The following PCDH12 variants were observed in gnomAD, a reference collection of about 807,000 sequenced individuals.
The protein encoded by PCDH12 is protocadherin-12.
Under a neutral mutation model 70.9 loss-of-function variants are expected in PCDH12, and 45 were observed. That is an observed-to-expected ratio of 0.63 (90% CI 0.50 to 0.81). PCDH12 has a LOEUF of 0.81. PCDH12 is among the 40% of genes least tolerant of loss of function. The pLI, the probability that PCDH12 is intolerant of heterozygous loss-of-function variation, is 0.00. For synonymous variants in PCDH12, 567 were observed against 626.0 expected, an observed-to-expected ratio of 0.91 and a Z score of 1.41; for missense variants, 1,370 against 1,491.7, an observed-to-expected ratio of 0.92 and a Z score of 1.34.
chr5:141,944,185 A>G lies in PCDH12; in HGVS notation c.*1196T>C, dbSNP rs768732123. ...GCTGGCTGCTGTCAGTGCCGATTTC[A>G]TAGACCCAGTTCACACAGCGTCCTC... On this transcript the variant is annotated 3_prime_UTR_variant, in exon 4 of 4. Coordinates refer to ENST00000231484, the MANE Select transcript of PCDH12 (RefSeq NM_016580.4). The G allele has an allele frequency of 3.3e-5, 5 of 152,262 alleles. No individual in the cohort carries two copies. The highest frequency in any genetic ancestry group is 7.3e-5 in the Non-Finnish European group (5 of 68,072). The allele number at this position is 152,262 out of a possible 1,614,324, so 9.4% of individuals were successfully genotyped here.
Position 141,954,964 on chromosome 5 carries a change from C to T in PCDH12, c.2880+8G>A. The stretch of plus-strand genomic sequence containing the variant: ...GACCAGAGAAAGAGCTGCCCATGCC[C>T]CAGGTACCTGAACAGGAGGAGAATC... On this transcript the variant is annotated splice_region_variant and intron_variant, in intron 1 of 3. Transcript: ENST00000231484. The T allele has an allele frequency of 3.7e-6, 6 of 1,604,822 alleles. No individual in the cohort carries two copies. Among genetic ancestry groups the T allele is most frequent in the Non-Finnish European group, 5.1e-6 (6 of 1,173,912 alleles).
chr5:141,955,636 A>G lies in PCDH12; in HGVS notation c.2216T>C (p.Ile739Thr), dbSNP rs750043128. The change falls in exon 1 of 4, where the codon ATC becomes ACC. Residue 739 changes from isoleucine (I) to threonine (T), a missense_variant. Ile to Thr is a moderately conservative substitution (Grantham distance 89). Transcript: ENST00000231484. This position sits in a 1 kb window ranked among gnomAD's most constrained non-coding sequence, Gnocchi z 5.5. ...FGLILALFMS[I>T]CRTEKKDNRA... Reference sequence around the variant, plus strand: ...GTTGTCCTTCTTTTCTGTCCGGCAGATGGACATGAACAAAGCCAGGATCAA... The same window carrying G: ...GTTGTCCTTCTTTTCTGTCCGGCAGGTGGACATGAACAAAGCCAGGATCAA... 1 of 1,614,108 alleles carries G rather than the reference A, an allele frequency of 6.2e-7. No individual in the cohort carries two copies. The highest frequency in any genetic ancestry group is 1.7e-5 in the Admixed American group (1 of 60,022).
Position 141,955,181 on chromosome 5 carries a change from C to T in PCDH12, c.2671G>A (p.Ala891Thr), listed in dbSNP as rs1255666962. 2 of 1,614,090 alleles carry T rather than the reference C, an allele frequency of 1.2e-6. No homozygotes were observed. Among genetic ancestry groups the T allele is most frequent in the African/African-American group, 1.3e-5 (1 of 74,942 alleles). The change falls in exon 1 of 4, where the codon GCT becomes ACT. Residue 891 changes from alanine (A) to threonine (T), a missense_variant. Physicochemically the swap from Ala to Thr is moderately conservative, Grantham distance 58. Transcript: ENST00000231484. This position sits in a 1 kb window ranked among gnomAD's most constrained non-coding sequence, Gnocchi z 5.5. ...KVAGSPTGRL[A>T]GDQGSEEAPQ... ...GCTTCCTCACTGCCCTGGTCTCCAG[C>T]CAGCCTCCCTGTGGGGCTGCCTGCA...
At chr5:141,949,375 G>A (rs967142006) in intron 3 of PCDH12, 57 bp downstream of exon 3, 5 of 1,549,796 alleles carry the variant, frequency 3.2e-6, no homozygotes, top group Non-Finnish European at 4.3e-6. Flanking sequence ...GCAGAACTCT[G>A]AAGCTTGGAC....
chr5:141,955,368 A>G lies in PCDH12; in HGVS notation c.2484T>C (p.Asn828=), dbSNP rs1464101405. 1.2e-6 allele frequency: 2 copies of G among 1,613,884 alleles called. No individual in the cohort carries two copies. Among genetic ancestry groups the G allele is most frequent in the Non-Finnish European group, 1.7e-6 (2 of 1,180,008 alleles). Residue 828 remains asparagine (N), a synonymous_variant, in exon 1 of 4, where the codon AAT becomes AAC. Transcript: ENST00000231484. The surrounding 1 kb of genome is among the most constrained non-coding windows in gnomAD (Gnocchi z 5.5). ...CCGCCGGTGCTCCCTGGTTGCCTTG[A>G]TTACGCAGCGTCCTGTACAGGGTCG... ...LTPTLYRTLR[N]QGNQGAPAES...
At position 141,956,626 on chromosome 5, in the gene PCDH12, G is replaced by A. The variant is rs1383640122; in HGVS notation, c.1226C>T (p.Thr409Ile). The A allele has an allele frequency of 3.7e-6, 6 of 1,614,184 alleles. 1 individual carries two copies. The South Asian group carries it at 5.5e-5, about 15-fold the overall frequency. ...TGTGGCATTGGTTAGCAACATGTATGTGTTGCCATTAGTTCTTTTCAGCCT... is the reference window on the plus strand; with the variant it reads ...TGTGGCATTGGTTAGCAACATGTATATGTTGCCATTAGTTCTTTTCAGCCT... ...HFRLKRTNGN[T>I]YMLLTNATLD... is the part of the protein sequence containing the mutation. The change falls in exon 1 of 4, where the codon ACA (threonine) becomes ATA (isoleucine). Residue 409 changes from threonine (T) to isoleucine (I), a missense_variant. Coordinates refer to ENST00000231484, the MANE Select transcript of PCDH12 (RefSeq NM_016580.4).
chr5:141,957,824 C>T lies in PCDH12; in HGVS notation c.28G>A (p.Gly10Arg). The T allele has an allele frequency of 6.2e-7, 1 of 1,600,454 alleles. No individual in the cohort carries two copies. The highest frequency in any genetic ancestry group is 8.5e-7 in the Non-Finnish European group (1 of 1,179,100). ...AAGTAGCCACCTGGCCCCAAAAGCC[C>T]CAGCAGAAGTTGCAGAAGTTGCATC... MMQLLQLLL[G>R]LLGPGGYLFL... is the part of the protein sequence containing the mutation. The change falls in exon 1 of 4, where the codon GGG becomes AGG. Residue 10 changes from glycine (G) to arginine (R), a missense_variant. By Grantham distance (125) the Gly-to-Arg change is moderately radical (BLOSUM62 -2). Coordinates refer to ENST00000231484, the MANE Select transcript of PCDH12 (RefSeq NM_016580.4). The surrounding 1 kb of genome is among the most constrained non-coding windows in gnomAD (Gnocchi z 4.3).
At chr5:141,946,081 G>GA (rs1241881681) in intron 3 of PCDH12, among the ~76,000 whole-genome samples, 1 of 152,176 alleles carries the variant, frequency 6.6e-6, no homozygotes, top group Non-Finnish European at 1.5e-5. Context: ...GATTTCTGAA[G>GA]AATTTCCCAA....
intron 1 of PCDH12, among the ~76,000 whole-genome samples, chr5:141,951,949 T>TA (rs1288786209): frequency 6.6e-6 from 1 of 152,268 alleles, no homozygotes; most frequent in Non-Finnish European, 1.5e-5. Flanking sequence ...AAGATTATCT[T>TA]AAAGAGTTAT....
In PCDH12 at chr5:141,956,271, C is replaced by T. The variant is rs1242551115; in HGVS notation, c.1581G>A (p.Glu527=). 1.2e-6 allele frequency: 2 copies of T among 1,614,224 alleles called. No individual in the cohort carries two copies. Among genetic ancestry groups the T allele is most frequent in the Middle Eastern group, 1.6e-4 (1 of 6,062 alleles). Residue 527 remains glutamate (E), a synonymous_variant, in exon 1 of 4, where the codon GAG becomes GAA. Coordinates refer to ENST00000231484, the MANE Select transcript of PCDH12 (RefSeq NM_016580.4). ...TCACCTGGAACTCAAAGCCGGCCAT[C>T]TCTTCATAGTTCAGTGACCTCTGAG... ...VTAQRSLNYE[E]MAGFEFQVIA... is the part of the protein sequence containing the mutation.
Position 141,945,344 on chromosome 5 carries a change from C to A in PCDH12, c.*37G>T. 1 of 1,562,644 alleles carries A rather than the reference C, an allele frequency of 6.4e-7. No homozygotes were observed. The highest frequency in any genetic ancestry group is 8.6e-7 in the Non-Finnish European group (1 of 1,156,550). On this transcript the variant is annotated 3_prime_UTR_variant, in exon 4 of 4. Transcript: ENST00000231484. ...CAGCTCTTGTCCACAGATCCTCAGG[C>A]CCCTGGTTCTTGGATCCAGAGGCGT...
intron 1 of PCDH12, chr5:141,952,474 G>T (rs1220810630): frequency 6.6e-6 from 1 of 152,294 alleles, no homozygotes; most frequent in Non-Finnish European, 1.5e-5. Context: ...CTGGGCAAGG[G>T]GTGGGGAGGT....
chr5:141,951,496 C>G lies in PCDH12; in HGVS notation c.2975G>C (p.Ser992Thr). Residue 992 changes from serine (S) to threonine (T), a missense_variant, in exon 2 of 4, where the codon AGC (serine) becomes ACC (threonine). By Grantham distance (58) the Ser-to-Thr change is moderately conservative. Coordinates refer to ENST00000231484, the MANE Select transcript of PCDH12 (RefSeq NM_016580.4). ...GNKYLAKPGG[S>T]RSAIPDTDGP... ...GTGGGGGCTACGTGCTGCTTACCTG[C>G]TGCCTCCTGGCTTGGCCAAGTACTT... is the stretch of plus-strand genomic sequence containing the variant. 1.2e-6 allele frequency: 2 copies of G among 1,613,728 alleles called. No individual in the cohort carries two copies. The highest frequency in any genetic ancestry group is 1.7e-6 in the Non-Finnish European group (2 of 1,179,662).
intron 3 of PCDH12, among the ~76,000 whole-genome samples, chr5:141,947,065 TTATC>T (rs761812548): frequency 7.2e-5 from 11 of 152,242 alleles, no homozygotes; most frequent in Non-Finnish European, 1.2e-4. Flanking sequence ...CTCTTTTTGT[TTATC>T]TATGTTTTTC....
At position 141,945,163 on chromosome 5, in the gene PCDH12, T is replaced by C; in HGVS notation, c.*218A>G. 1.6e-6 allele frequency: 1 copy of C among 627,820 alleles called. No homozygotes were observed. Among genetic ancestry groups the C allele is most frequent in the East Asian group, 2.6e-5 (1 of 37,936 alleles). The allele number at this position is 627,820 out of a possible 1,614,324, so 38.9% of individuals were successfully genotyped here. ...AAACACTTATCTCAGCCACAAACCGTCCCTGTCCTCCAAAAGACTCAGAGC... is the reference window on the plus strand; with the variant it reads ...AAACACTTATCTCAGCCACAAACCGCCCCTGTCCTCCAAAAGACTCAGAGC... On this transcript the variant is annotated 3_prime_UTR_variant, in exon 4 of 4. Coordinates refer to ENST00000231484, the MANE Select transcript of PCDH12 (RefSeq NM_016580.4).
Position 141,958,012 on chromosome 5 carries a change from G to A in PCDH12, c.-161C>T. 1 of 797,652 alleles carries A rather than the reference G, an allele frequency of 1.3e-6. No homozygotes were observed. Among genetic ancestry groups the A allele is most frequent in the Non-Finnish European group, 1.9e-6 (1 of 517,944 alleles). 49.4% of individuals were successfully genotyped at this position (797,652 alleles called of 1,614,324 possible). A position where few individuals can be genotyped will look rare whatever the true frequency, so the allele number is the denominator to read the frequency against. On this transcript the variant is annotated 5_prime_UTR_variant, in exon 1 of 4. Transcript: ENST00000231484. ...AGTTAGATGATTATGAAACAAGCAG[G>A]ACCCCAAGGCAAGGCCATCTTCATT...
intron 3 of PCDH12, 85 bp from the exon 4 acceptor site, chr5:141,945,890 G>A (rs1012025064): frequency 4.8e-6 from 6 of 1,257,948 alleles, no homozygotes; most frequent in Non-Finnish European, 6.8e-6. Flanking sequence ...CAGGGCAAGG[G>A]CAGTGGACAA....
rs1424426061 is a variant in PCDH12 at position 141,957,741 on chromosome 5, T to C, written c.111A>G (p.Ser37=). The part of the protein sequence containing the change: ...VTTLTVKYQV[S]EEVPSGTVIG... Reference sequence around the variant, plus strand: ...TCACTGTACCAGATGGCACTTCCTCTGACACTTGGTATTTCACCGTGAGAG... The same window carrying C: ...TCACTGTACCAGATGGCACTTCCTCCGACACTTGGTATTTCACCGTGAGAG... Residue 37 remains serine (S), a synonymous_variant, in exon 1 of 4, where the codon TCA becomes TCG. Coordinates refer to ENST00000231484, the MANE Select transcript of PCDH12 (RefSeq NM_016580.4). The surrounding 1 kb of genome is among the most constrained non-coding windows in gnomAD (Gnocchi z 4.3). 1 of 1,613,516 alleles carries C rather than the reference T, an allele frequency of 6.2e-7. No homozygotes were observed. The highest frequency in any genetic ancestry group is 1.7e-5 in the Admixed American group (1 of 60,026).
chr5:141,948,975 A>G (rs149325234), intron 3 of PCDH12, among the ~76,000 whole-genome samples: 1,954 of 151,340 alleles, frequency 0.013, 42 homozygotes, highest in African/African-American at 0.045. Context: ...GCACTTTGGG[A>G]GGCTGAGGTG....
Sources: gnomAD v4.1 joint callset for allele counts (sites outside exome capture counted in the v4.1 genomes callset) on GRCh38, gnomAD v4.1.1 for gene constraint, Gnocchi (gnomAD v3.1) non-coding constraint, MANE v1.5 for transcripts, NCBI Gene and HGNC (gene_info 2026-07-23, HGNC 2026-07-21) for gene names.